The following KIAA1549L variants were observed in gnomAD, a reference collection of about 807,000 sequenced individuals.
The protein encoded by KIAA1549L is UPF0606 protein KIAA1549L.
In KIAA1549L, 88 loss-of-function variants were observed where a neutral mutation model predicts 160.7. That is an observed-to-expected ratio of 0.55 (90% CI 0.46 to 0.65). The LOEUF is 0.65. Among genes scored for constraint, KIAA1549L ranks in the 30% least tolerant of loss-of-function variants. The pLI is 0.00. For synonymous variants in KIAA1549L, 950 were observed against 976.7 expected, an observed-to-expected ratio of 0.97 and a Z score of 0.51; for missense variants, 2,258 against 2,437.5, an observed-to-expected ratio of 0.93 and a Z score of 1.55.
Position 33,541,067 on chromosome 11 carries a change from C to T in KIAA1549L, c.239-735C>T, listed in dbSNP as rs1056997991. On this transcript the variant is annotated intron_variant, in intron 1 of 20. Coordinates refer to ENST00000658780, the MANE Select transcript of KIAA1549L (RefSeq NM_012194.3). ...TCTAGCTTTCCAAGAGTTGTTTCCT[C>T]GCCTCCTTTTTAGCGGAGGTCACCA... is the stretch of plus-strand genomic sequence containing the variant. Among the ~76,000 whole-genome samples the T allele has an allele frequency of 7.2e-5, 11 of 152,294 alleles. 1 individual carries two copies. The highest frequency in any genetic ancestry group is 1.3e-4 in the Admixed American group (2 of 15,302).
Position 33,645,993 on chromosome 11 carries a change from C to T in KIAA1549L, c.5717C>T (p.Pro1906Leu), listed in dbSNP as rs1258247340. 11 of 1,606,218 alleles carry T rather than the reference C, an allele frequency of 6.8e-6. No individual in the cohort carries two copies. The East Asian group carries it at 1.3e-4, about 20-fold the overall frequency. ...TRPRAGVQWV[P>L]TYRPEMYQYS... ...CCCAGGGCCGGGGTGCAGTGGGTGC[C>T]GACCTACCGCCCAGAAATGTATCAG... The change falls in exon 17 of 21, where the codon CCG (proline) becomes CTG (leucine). Residue 1906 changes from proline to leucine, a missense_variant. By Grantham distance (98) the Pro-to-Leu change is moderately conservative. Transcript: ENST00000658780.
At chr11:33,571,402 T>A (rs1195170273) in intron 9 of KIAA1549L, among the ~76,000 whole-genome samples, 4 of 152,050 alleles carry the variant, frequency 2.6e-5, no homozygotes, top group African/African-American at 9.7e-5. Context: ...GTCTAGAAAG[T>A]GATTAGGCCG....
rs554876977 is a variant in KIAA1549L, at chr11:33,629,694, T to C, written c.5409+11032T>C. 3.7e-3 allele frequency among the ~76,000 whole-genome samples: 567 copies of C among 151,310 alleles called. 5 individuals carry two copies. The highest frequency in any genetic ancestry group is 0.014 in the African/African-American group (555 of 40,680). ...TATTCTAGTTATACATTCTTCTAAA[T>C]TTTTTTCAAAGTTTTCAACTTCTTT... On this transcript the variant is annotated intron_variant, in intron 16 of 20. Coordinates refer to ENST00000658780, the MANE Select transcript of KIAA1549L (RefSeq NM_012194.3).
intron 1 of KIAA1549L, among the ~76,000 whole-genome samples, chr11:33,437,987 G>A (rs1457615663): frequency 6.6e-6 from 1 of 152,068 alleles, no homozygotes; most frequent in East Asian, 1.9e-4. Context: ...ACCTGCCTAC[G>A]CCTCTCCAGC....
chr11:33,609,632 A>C, intron 14 of KIAA1549L, 117 bp from the exon 15 acceptor site: 1 of 754,322 alleles, frequency 1.3e-6, no homozygotes, highest in Non-Finnish European at 2.2e-6. Flanking sequence ...GCTAGCTCAG[A>C]GGCCCGGAGG....
chr11:33,563,440 T>A (rs1174771346), intron 8 of KIAA1549L, among the ~76,000 whole-genome samples: 2 of 151,608 alleles, frequency 1.3e-5, no homozygotes, highest in Non-Finnish European at 2.9e-5. Context: ...ATGGAAGATG[T>A]GCCTGGGTAA....
chr11:33,459,488 C>T (rs990152385), intron 1 of KIAA1549L, among the ~76,000 whole-genome samples: 6 of 152,134 alleles, frequency 3.9e-5, no homozygotes, highest in Non-Finnish European at 4.4e-5. Context: ...GATGCTCAGC[C>T]CAGGAGGGTT....
intron 15 of KIAA1549L, among the ~76,000 whole-genome samples, chr11:33,616,641 G>A (rs1850816597): frequency 6.6e-6 from 1 of 152,192 alleles, no homozygotes; most frequent in South Asian, 2.1e-4. Flanking sequence ...CTAATGGCAA[G>A]GGTAATGCTT....
intron 13 of KIAA1549L, among the ~76,000 whole-genome samples, chr11:33,605,550 T>G (rs956110621): frequency 2.0e-5 from 3 of 152,256 alleles, no homozygotes; most frequent in Non-Finnish European, 4.4e-5. Flanking sequence ...CTGAAGTGTT[T>G]TAGCCACTTT....
intron 8 of KIAA1549L, among the ~76,000 whole-genome samples, chr11:33,565,434 G>C (rs1356378687): frequency 6.6e-6 from 1 of 152,192 alleles, no homozygotes; most frequent in Non-Finnish European, 1.5e-5. Context: ...TTTCTTAACA[G>C]TGACACGATC....
At chr11:33,626,246 C>CT (rs1445683139) in intron 16 of KIAA1549L, among the ~76,000 whole-genome samples, 1 of 140,642 alleles carries the variant, frequency 7.1e-6, no homozygotes, top group African/African-American at 2.8e-5. Flanking sequence ...AATGCGGGCT[C>CT]TTTTTTGGTT....
intron 1 of KIAA1549L, among the ~76,000 whole-genome samples, chr11:33,406,067 A>C (rs184622912): frequency 1.3e-5 from 2 of 152,276 alleles, no homozygotes; most frequent in African/African-American, 4.8e-5. Flanking sequence ...GAGCAAAGCT[A>C]ACTCATTACT....
intron 1 of KIAA1549L, among the ~76,000 whole-genome samples, chr11:33,378,601 C>G (rs533627395): frequency 2.0e-5 from 3 of 152,322 alleles, no homozygotes; most frequent in Non-Finnish European, 2.9e-5. Context: ...TCCCCAGAGT[C>G]CTCTCCGTCT....
At chr11:33,619,548 C>T (rs1157644976) in intron 16 of KIAA1549L, among the ~76,000 whole-genome samples, 1 of 152,174 alleles carries the variant, frequency 6.6e-6, no homozygotes, top group African/African-American at 2.4e-5. Context: ...TTTTCTCCCT[C>T]AGGATTAGTC....
intron 1 of KIAA1549L, chr11:33,403,206 C>CACAT (rs374431765): frequency 2.9e-5 from 3 of 104,272 alleles, no homozygotes; most frequent in African/African-American, 6.3e-5. Flanking sequence ...CACAGACACA[C>CACAT]GCACCCACAC....
chr11:33,414,250 G>A (rs1043797214), intron 1 of KIAA1549L, among the ~76,000 whole-genome samples: 1 of 152,148 alleles, frequency 6.6e-6, no homozygotes, highest in Non-Finnish European at 1.5e-5. Flanking sequence ...CGAAAATTAA[G>A]CTATGTGCAG....
intron 1 of KIAA1549L, among the ~76,000 whole-genome samples, chr11:33,511,726 C>T (rs1037494048): frequency 2.0e-5 from 3 of 152,172 alleles, no homozygotes; most frequent in Non-Finnish European, 4.4e-5. Flanking sequence ...ACAGATGGCA[C>T]ATGTCAAGAA....
chr11:33,407,459 A>G (rs971856140), intron 1 of KIAA1549L, among the ~76,000 whole-genome samples: 1 of 152,054 alleles, frequency 6.6e-6, no homozygotes, highest in Admixed American at 6.5e-5. Context: ...CTCCTGCCTC[A>G]GTCTGCAAGC....
chr11:33,637,986 A>G (rs1424102237), intron 16 of KIAA1549L, among the ~76,000 whole-genome samples: 3 of 152,100 alleles, frequency 2.0e-5, no homozygotes, highest in Admixed American at 1.3e-4. Context: ...CTTTCCTACA[A>G]CCATCACATG....
Sources: gnomAD v4.1 joint callset for allele counts (sites outside exome capture counted in the v4.1 genomes callset) on GRCh38, gnomAD v4.1.1 for gene constraint, MANE v1.5 for transcripts, NCBI Gene and HGNC (gene_info 2026-07-23, HGNC 2026-07-21) for gene names.